Variants in CDH18 observed in about 807,000 individuals in gnomAD.
The protein encoded by CDH18 is cadherin-18.
CDH18 carries 31 observed loss-of-function variants against 67.9 expected under a neutral mutation model. The observed-to-expected ratio is 0.46, with a 90% CI of 0.34 to 0.62. The LOEUF is 0.62. Ranked by LOEUF, CDH18 falls within the 20% of genes least tolerant of loss-of-function variation. CDH18 has a pLI of 0.01. For synonymous variants in CDH18, 362 were observed against 347.2 expected (o/e 1.04, Z -0.48); for missense variants, 890 against 975.5 (o/e 0.91, Z 1.17).
chr5:19,747,304 A>T, intron 3 of CDH18, 68 bp from the exon 4 acceptor site: 2 of 1,273,326 alleles, frequency 1.6e-6, no homozygotes, highest in East Asian at 2.4e-5. Context: ...TTCTCTGAAA[A>T]CTCCCTATCT....
At chr5:20,295,879 T>C (rs1290967672) in intron 1 of CDH18, among the ~76,000 whole-genome samples, 1 of 145,200 alleles carries the variant, frequency 6.9e-6, no homozygotes, top group Non-Finnish European at 1.5e-5. Flanking sequence ...TTTCTTTTTT[T>C]TTTTTTTTTG....
chr5:19,589,045 G>C (rs1744674860), intron 7 of CDH18, among the ~76,000 whole-genome samples: 1 of 151,946 alleles, frequency 6.6e-6, no homozygotes, highest in Non-Finnish European at 1.5e-5. Flanking sequence ...GGCTCTAGAA[G>C]ATATCTATTT....
chr5:20,550,581 C>G (rs1254783070), intron 1 of CDH18, among the ~76,000 whole-genome samples: 2 of 152,140 alleles, frequency 1.3e-5, no homozygotes, highest in Non-Finnish European at 2.9e-5. Flanking sequence ...GCCACATACT[C>G]AGAGACTGAA....
chr5:19,475,862 T>G (rs543495836), intron 12 of CDH18, among the ~76,000 whole-genome samples: 20 of 151,920 alleles, frequency 1.3e-4, no homozygotes, highest in Non-Finnish European at 2.7e-4. Context: ...GAACATACTT[T>G]CCCCCCAGAA....
At chr5:19,662,162 G>A (rs1469887193) in intron 5 of CDH18, among the ~76,000 whole-genome samples, 5 of 148,704 alleles carry the variant, frequency 3.4e-5, no homozygotes, top group African/African-American at 7.4e-5. Flanking sequence ...TTTAAACAGC[G>A]TATATGTACA....
chr5:19,875,461 T>C (rs538336649), intron 2 of CDH18, among the ~76,000 whole-genome samples: 1 of 152,172 alleles, frequency 6.6e-6, no homozygotes, highest in Admixed American at 6.5e-5. Flanking sequence ...TATAGATAGA[T>C]AGATGGATAG....
chr5:20,562,744 G>A (rs2471124), intron 1 of CDH18, among the ~76,000 whole-genome samples: 41,225 of 151,474 alleles, frequency 0.27, 7,085 homozygotes, highest in African/African-American at 0.49. Flanking sequence ...ACATTATTGC[G>A]TAACTTTCTT....
intron 5 of CDH18, among the ~76,000 whole-genome samples, chr5:19,672,329 A>G (rs1233886068): frequency 6.6e-6 from 1 of 152,100 alleles, no homozygotes; most frequent in Non-Finnish European, 1.5e-5. Context: ...TACAAATTAT[A>G]ATCTGCTAAC....
chr5:20,557,928 T>TAATGTTATAGTTATATAACATTA (rs1757998275), intron 1 of CDH18, among the ~76,000 whole-genome samples: 2 of 34,942 alleles, frequency 5.7e-5, no homozygotes, highest in African/African-American at 1.9e-4. Context: ...ATATAACATT[T>TAATGTTATAGTTATATAACATTA]AATGTTATAG....
At chr5:19,934,749 T>C (rs1794054301) in intron 2 of CDH18, among the ~76,000 whole-genome samples, 1 of 151,454 alleles carries the variant, frequency 6.6e-6, no homozygotes, top group South Asian at 2.1e-4. Context: ...ATAGTTATCA[T>C]CTTTTTGCAA....
At chr5:20,308,759 G>T (rs1030171853) in intron 1 of CDH18, among the ~76,000 whole-genome samples, 1 of 152,108 alleles carries the variant, frequency 6.6e-6, no homozygotes, top group Non-Finnish European at 1.5e-5. Flanking sequence ...GAATTTGGTA[G>T]GCAATGACCT....
chr5:19,685,569 C>T (rs1245962284), intron 5 of CDH18, among the ~76,000 whole-genome samples: 2 of 152,160 alleles, frequency 1.3e-5, no homozygotes, highest in Non-Finnish European at 2.9e-5. Context: ...TTTTCCCCAT[C>T]TCTTTGTGCT....
intron 1 of CDH18, among the ~76,000 whole-genome samples, chr5:20,524,887 T>C (rs2126533205): frequency 6.6e-6 from 1 of 152,196 alleles, no homozygotes. Context: ...GGATATAACC[T>C]AGCCCACAGG....
intron 1 of CDH18, among the ~76,000 whole-genome samples, chr5:20,259,794 C>T (rs1333652933): frequency 6.6e-6 from 1 of 152,018 alleles, no homozygotes; most frequent in Admixed American, 6.6e-5. Context: ...AACTGTATAG[C>T]TAAATGCCAC....
At chr5:20,223,738 G>T (rs1310529314) in intron 2 of CDH18, among the ~76,000 whole-genome samples, 1 of 151,964 alleles carries the variant, frequency 6.6e-6, no homozygotes, top group African/African-American at 2.4e-5. Context: ...TTTATAAAGG[G>T]CAGTTTATAA....
chr5:19,533,276 T>A (rs1396137988), intron 9 of CDH18, among the ~76,000 whole-genome samples: 1 of 152,210 alleles, frequency 6.6e-6, no homozygotes, highest in Non-Finnish European at 1.5e-5. Flanking sequence ...GTTAATCGTA[T>A]CAAATGTTGA....
chr5:19,730,899 A>G lies in CDH18; in HGVS notation c.524-9433T>C, dbSNP rs182441945. Among the ~76,000 whole-genome samples the G allele has an allele frequency of 1.9e-3, 293 of 152,338 alleles. 2 individuals carry two copies. Among genetic ancestry groups the G allele is most frequent in the Non-Finnish European group, 2.9e-3 (199 of 68,022 alleles). ...AAACTAAAATGTTACTGTCTACTAT[A>G]TATTTTTTAGGAGAGAATAAACATC... On this transcript the variant is annotated intron_variant, in intron 4 of 12. Transcript: ENST00000382275.
rs138138336 is a variant in CDH18, at chr5:19,734,539, A to C, written c.523+12403T>G. 5.0e-3 allele frequency among the ~76,000 whole-genome samples: 763 copies of C among 152,292 alleles called. 3 individuals carry two copies. The highest frequency in any genetic ancestry group is 0.018 in the African/African-American group (735 of 41,558). On this transcript the variant is annotated intron_variant, in intron 4 of 12. Coordinates refer to ENST00000382275, the MANE Select transcript of CDH18 (RefSeq NM_004934.5). ...ACCAAAGGCCTTATGGTAGAATAAA[A>C]ATATTTTTTCTCGGATTGCACAGAT... is the stretch of plus-strand genomic sequence containing the variant.
chr5:20,252,482 G>A (rs1484923482), intron 2 of CDH18, among the ~76,000 whole-genome samples: 1 of 152,120 alleles, frequency 6.6e-6, no homozygotes, highest in African/African-American at 2.4e-5. Context: ...AAGGGCTTTT[G>A]TGTTAGTAAA....
Sources: gnomAD v4.1 joint callset for allele counts (sites outside exome capture counted in the v4.1 genomes callset) on GRCh38, gnomAD v4.1.1 for gene constraint, MANE v1.5 for transcripts, NCBI Gene and HGNC (gene_info 2026-07-23, HGNC 2026-07-21) for gene names.